Variants in PRKAG2 observed in about 807,000 individuals in gnomAD.
PRKAG2 encodes protein kinase AMP-activated non-catalytic subunit gamma 2.
In PRKAG2, 26 loss-of-function variants were observed where a neutral mutation model predicts 69.6. That is an observed-to-expected ratio of 0.37 (90% CI 0.27 to 0.52). The LOEUF (loss-of-function observed/expected upper bound fraction) is 0.52. Among genes scored for constraint, PRKAG2 ranks in the 20% least tolerant of loss-of-function variants. The pLI is 0.90. For missense variants in PRKAG2, 557 were observed against 740.0 expected, an observed-to-expected ratio of 0.75 and a Z score of 2.87; for synonymous variants, 293 against 285.0, an observed-to-expected ratio of 1.03 and a Z score of -0.28.
At chr7:151,739,790 G>A (rs2073742162) in intron 3 of PRKAG2, among the ~76,000 whole-genome samples, 1 of 152,044 alleles carries the variant, frequency 6.6e-6, no homozygotes, top group Admixed American at 6.6e-5. Flanking sequence ...TAACCTACCT[G>A]CTTTCGCTTA....
intron 1 of PRKAG2, among the ~76,000 whole-genome samples, chr7:151,849,889 G>C (rs974683718): frequency 6.6e-6 from 1 of 152,178 alleles, no homozygotes; most frequent in African/African-American, 2.4e-5. Flanking sequence ...CAGGTGCTGG[G>C]GGTTAGGACC....
intron 2 of PRKAG2, among the ~76,000 whole-genome samples, chr7:151,783,690 G>A (rs754222103): frequency 6.6e-6 from 1 of 151,948 alleles, no homozygotes; most frequent in South Asian, 2.1e-4. Flanking sequence ...GGAGGCCGAG[G>A]TGGGTGGATC....
At chr7:151,851,491 G>A (rs901747370) in intron 1 of PRKAG2, among the ~76,000 whole-genome samples, 6 of 152,346 alleles carry the variant, frequency 3.9e-5, no homozygotes, top group African/African-American at 1.2e-4. Context: ...GATCTGAGAC[G>A]TGGAGTCGCA....
At position 151,825,870 on chromosome 7, in the gene PRKAG2, C is replaced by A. The variant is rs76737291; in HGVS notation, c.115-39329G>T. ...CCCATCCCAGCCTAAGGCTTCTTCA[C>A]TCCCTTTCCTGGCCCCAATTGCCTC... On this transcript the variant is annotated intron_variant, in intron 1 of 15. Transcript: ENST00000287878. 2.6e-5 allele frequency among the ~76,000 whole-genome samples: 4 copies of A among 152,216 alleles called. No homozygotes were observed. In the South Asian group the frequency reaches 8.3e-4, roughly 32 times the overall value.
At chr7:151,662,091 A>G (rs1362236) in intron 4 of PRKAG2, among the ~76,000 whole-genome samples, 130,447 of 152,186 alleles carry the variant, frequency 0.86, 56,282 homozygotes, top group African/African-American at 0.94. Flanking sequence ...GTAAAGAAGT[A>G]TCCCTTATTA....
intron 1 of PRKAG2, among the ~76,000 whole-genome samples, chr7:151,811,107 G>A (rs766974152): frequency 3.9e-5 from 6 of 152,220 alleles, no homozygotes; most frequent in Non-Finnish European, 7.3e-5. Flanking sequence ...CAGCCCTCTC[G>A]CCTCAGTCGC....
At chr7:151,691,993 C>T (rs944442410) in intron 3 of PRKAG2, among the ~76,000 whole-genome samples, 2 of 152,044 alleles carry the variant, frequency 1.3e-5, no homozygotes, top group African/African-American at 4.8e-5. Flanking sequence ...TCAAGACCAG[C>T]CTAGGCAACA....
chr7:151,856,610 C>T (rs898175064), intron 1 of PRKAG2, among the ~76,000 whole-genome samples: 1 of 152,204 alleles, frequency 6.6e-6, no homozygotes, highest in African/African-American at 2.4e-5. Flanking sequence ...ATACTAGGAA[C>T]AGGCAGAGTT....
intron 5 of PRKAG2, among the ~76,000 whole-genome samples, chr7:151,628,391 A>C (rs549756703): frequency 1.3e-5 from 2 of 152,244 alleles, no homozygotes; most frequent in African/African-American, 4.8e-5. Flanking sequence ...TCGGTGTAAC[A>C]ATTACAAATG....
intron 5 of PRKAG2, among the ~76,000 whole-genome samples, chr7:151,604,465 C>T (rs919162913): frequency 4.0e-5 from 6 of 151,654 alleles, no homozygotes; most frequent in Non-Finnish European, 8.8e-5. Flanking sequence ...AGTGAGATCC[C>T]GTTTCTACAA....
At chr7:151,833,111 A>G (rs2079074765) in intron 1 of PRKAG2, among the ~76,000 whole-genome samples, 1 of 152,226 alleles carries the variant, frequency 6.6e-6, no homozygotes, top group Non-Finnish European at 1.5e-5. Flanking sequence ...TGTCAAAATA[A>G]AAAGCTAATT....
At chr7:151,674,920 CT>C (rs914954969) in intron 4 of PRKAG2, 6 of 177,172 alleles carry the variant, frequency 3.4e-5, no homozygotes, top group Admixed American at 2.7e-4. Context: ...CATTTTGTTT[CT>C]TTTTTTCTTT....
chr7:151,712,555 C>T (rs902415906), intron 3 of PRKAG2, among the ~76,000 whole-genome samples: 7 of 152,258 alleles, frequency 4.6e-5, no homozygotes, highest in Admixed American at 2.0e-4. Context: ...AGCTGACACC[C>T]GGCCAGAGCC....
intron 1 of PRKAG2, among the ~76,000 whole-genome samples, chr7:151,842,141 AGGTGGGGAT>A (rs199636731): frequency 0.036 from 4,765 of 133,126 alleles, 347 homozygotes; most frequent in East Asian, 0.25. Flanking sequence ...TAGTGATGGT[AGGTGGGGAT>A]GGTAGTGATG....
chr7:151,809,169 G>A (rs1035464373), intron 1 of PRKAG2: 8 of 450,826 alleles, frequency 1.8e-5, no homozygotes, highest in African/African-American at 1.4e-4. Flanking sequence ...CCTGCCTTGG[G>A]TCTTGGCCTA....
At chr7:151,723,116 G>A (rs977058052) in intron 3 of PRKAG2, among the ~76,000 whole-genome samples, 5 of 152,160 alleles carry the variant, frequency 3.3e-5, no homozygotes, top group Non-Finnish European at 7.3e-5. Context: ...CCACAGTGAC[G>A]TTGTGCATCT....
At chr7:151,667,160 CCT>C (rs1173445265) in intron 4 of PRKAG2, among the ~76,000 whole-genome samples, 5 of 152,188 alleles carry the variant, frequency 3.3e-5, no homozygotes, top group African/African-American at 1.2e-4. Context: ...CTTAGTCCTC[CCT>C]GTGGGTTAGC....
At chr7:151,641,801 T>G (rs1257256969) in intron 4 of PRKAG2, among the ~76,000 whole-genome samples, 1 of 152,032 alleles carries the variant, frequency 6.6e-6, no homozygotes, top group Non-Finnish European at 1.5e-5. Flanking sequence ...ATGAGTGACA[T>G]CACCTGGCCA....
intron 3 of PRKAG2, among the ~76,000 whole-genome samples, chr7:151,677,312 G>C (rs188914137): frequency 1.3e-5 from 2 of 152,178 alleles, no homozygotes; most frequent in East Asian, 3.9e-4. Flanking sequence ...TTAGCATCCT[G>C]AGTAGCTGGG....
Sources: gnomAD v4.1 joint callset for allele counts (sites outside exome capture counted in the v4.1 genomes callset) on GRCh38, gnomAD v4.1.1 for gene constraint, MANE v1.5 for transcripts, NCBI Gene and HGNC (gene_info 2026-07-23, HGNC 2026-07-21) for gene names.